SYTL3: variants seen among roughly 807,000 people sequenced by gnomAD.
SYTL3 encodes the protein synaptotagmin like 3.
A neutral mutation model predicts 82.1 loss-of-function variants in SYTL3; 88 were observed. That is an observed-to-expected ratio of 1.07 (90% confidence interval 0.90 to 1.28). The LOEUF is 1.28. Among genes scored for constraint, SYTL3 ranks in the 50% most tolerant of loss-of-function variants. SYTL3 has a pLI of 0.00. For missense variants in SYTL3, 831 were observed against 757.6 expected (o/e 1.10, Z -1.14); for synonymous variants, 311 against 289.4 (o/e 1.07, Z -0.76).
At chr6:158,692,513 T>C (rs1279935652) in intron 6 of SYTL3, among the ~76,000 whole-genome samples, 1 of 152,062 alleles carries the variant, frequency 6.6e-6, no homozygotes, top group Non-Finnish European at 1.5e-5. Context: ...GATTGAGTTC[T>C]TCAAGTGACT....
intron 13 of SYTL3, among the ~76,000 whole-genome samples, 163 bp from the exon 14 acceptor site, chr6:158,757,047 AC>A (rs1372957733): frequency 2.3e-5 from 3 of 131,926 alleles, no homozygotes; most frequent in Non-Finnish European, 4.8e-5. Context: ...CACCCTAACC[AC>A]ATCAGGTCCC....
chr6:158,655,080 C>T (rs191936495), intron 2 of SYTL3, among the ~76,000 whole-genome samples: 2 of 152,114 alleles, frequency 1.3e-5, no homozygotes, highest in South Asian at 2.1e-4. Context: ...ATGGAGTGAC[C>T]GAATAAATGT....
At chr6:158,701,087 G>C (rs1378719256) in intron 6 of SYTL3, among the ~76,000 whole-genome samples, 2 of 151,788 alleles carry the variant, frequency 1.3e-5, no homozygotes, top group African/African-American at 4.8e-5. Flanking sequence ...CCACAATGGG[G>C]CCAGCCTGGT....
intron 10 of SYTL3, 74 bp from the exon 11 acceptor site, chr6:158,725,429 T>C: frequency 6.5e-7 from 1 of 1,543,370 alleles, no homozygotes; most frequent in South Asian, 1.2e-5. Context: ...AGATGCTTGC[T>C]GAAGTCACCA....
At chr6:158,683,544 G>A (rs1778970879) in intron 6 of SYTL3, among the ~76,000 whole-genome samples, 1 of 152,134 alleles carries the variant, frequency 6.6e-6, no homozygotes, top group African/African-American at 2.4e-5. Context: ...TTTAAGGCTC[G>A]TGCACTACAA....
chr6:158,745,639 A>G lies in SYTL3; in HGVS notation c.1015A>G (p.Lys339Glu), dbSNP rs2128514288. The G allele has an allele frequency of 6.2e-7, 1 of 1,600,100 alleles. No homozygotes were observed. The highest frequency in any genetic ancestry group is 8.5e-7 in the Non-Finnish European group (1 of 1,175,546). Reference protein sequence around the residue: ...ACKNLAYGEEKKKKCNPYVKT... With the variant: ...ACKNLAYGEEEKKKCNPYVKT... ...TAAGAACCTTGCCTATGGAGAAGAAAAGAAGAAAAAGTGCAATCCGTAAGT... is the reference window on the plus strand; with the variant it reads ...TAAGAACCTTGCCTATGGAGAAGAAGAGAAGAAAAAGTGCAATCCGTAAGT... Residue 339 changes from lysine to glutamate, a missense_variant, in exon 12 of 18, where the codon AAG becomes GAG. By Grantham distance (56) the Lys-to-Glu change is moderately conservative. Coordinates refer to ENST00000611299, the MANE Select transcript of SYTL3 (RefSeq NM_001242394.2).
chr6:158,677,926 A>G (rs972561846), intron 5 of SYTL3, among the ~76,000 whole-genome samples: 2 of 151,934 alleles, frequency 1.3e-5, no homozygotes, highest in African/African-American at 4.8e-5. Flanking sequence ...GTCTCACACT[A>G]TTGCCCAGAC....
At chr6:158,725,132 C>T (rs964690953) in intron 10 of SYTL3, among the ~76,000 whole-genome samples, 4 of 152,182 alleles carry the variant, frequency 2.6e-5, no homozygotes, top group African/African-American at 7.2e-5. Context: ...AGAGCTAAAA[C>T]TCTGCTTATC....
chr6:158,751,234 C>T (rs1277405109), intron 12 of SYTL3, among the ~76,000 whole-genome samples: 1 of 151,412 alleles, frequency 6.6e-6, no homozygotes, highest in East Asian at 1.9e-4. Flanking sequence ...TGTTTCTAGC[C>T]TGTGGAGAGG....
intron 2 of SYTL3, 70 bp from the exon 3 acceptor site, chr6:158,661,199 A>T (rs1789341226): frequency 1.3e-5 from 2 of 152,278 alleles, no homozygotes; most frequent in Non-Finnish European, 2.9e-5. Context: ...TGGTGACTTG[A>T]TGGCTAATTT....
At chr6:158,722,010 C>T (rs1784161095) in intron 10 of SYTL3, among the ~76,000 whole-genome samples, 1 of 151,914 alleles carries the variant, frequency 6.6e-6, no homozygotes, top group Non-Finnish European at 1.5e-5. Context: ...CAAAATTCCT[C>T]TCATTTTCAT....
intron 6 of SYTL3, among the ~76,000 whole-genome samples, chr6:158,684,758 G>A (rs1183917196): frequency 6.7e-6 from 1 of 149,136 alleles, no homozygotes. Context: ...TTGCCCAGGT[G>A]TAGATTTGGT....
chr6:158,720,816 C>G (rs1784020547), intron 10 of SYTL3, among the ~76,000 whole-genome samples: 1 of 152,174 alleles, frequency 6.6e-6, no homozygotes, highest in African/African-American at 2.4e-5. Context: ...CTAGGTGAAG[C>G]CTGCTCCAGA....
At chr6:158,699,535 G>A (rs893337303) in intron 6 of SYTL3, among the ~76,000 whole-genome samples, 13 of 152,158 alleles carry the variant, frequency 8.5e-5, no homozygotes, top group African/African-American at 2.7e-4. Flanking sequence ...TGAGCCACAC[G>A]CGGCGGATCT....
chr6:158,682,975 A>G lies in SYTL3; in HGVS notation c.380A>G (p.Lys127Arg), dbSNP rs1362694542. ...GEWFYEERAKKFPTGGKHETV... is the reference protein window; with the variant it reads ...GEWFYEERAKRFPTGGKHETV... ...TGGTTCTATGAGGAACGAGCCAAGA[A>G]ATTTCCAACTGGAGGTAAATGCTCT... Residue 127 changes from lysine (K) to arginine (R), a missense_variant, in exon 6 of 18, where the codon AAA (lysine) becomes AGA (arginine). Transcript: ENST00000611299. 3 of 1,612,358 alleles carry G rather than the reference A, an allele frequency of 1.9e-6. No individual in the cohort carries two copies. The South Asian group carries it at 3.3e-5, about 18-fold the overall frequency.
At chr6:158,647,124 C>T (rs563051157), upstream of SYTL3, among the ~76,000 whole-genome samples, 38 of 152,314 alleles carry the variant, frequency 2.5e-4, 1 homozygote, top group African/African-American at 7.9e-4. Context: ...AAATCAATTT[C>T]CTGAATGTCT....
intron 13 of SYTL3, among the ~76,000 whole-genome samples, chr6:158,753,997 G>A (rs2128533562): frequency 6.6e-6 from 1 of 152,158 alleles, no homozygotes; most frequent in African/African-American, 2.4e-5. Context: ...GGGAAGCCGG[G>A]GAGGCCGATC....
chr6:158,751,785 T>G, intron 12 of SYTL3, 143 bp from the exon 13 acceptor site: 1 of 602,110 alleles, frequency 1.7e-6, no homozygotes, highest in African/African-American at 1.9e-5. Flanking sequence ...ATTAGGCTAT[T>G]AAGTCCTTTC....
At chr6:158,758,053 T>G (rs947137492) in intron 14 of SYTL3, among the ~76,000 whole-genome samples, 1 of 151,984 alleles carries the variant, frequency 6.6e-6, no homozygotes, top group African/African-American at 2.4e-5. Flanking sequence ...AGACGCTGCT[T>G]TGTACTTTGC....
Sources: gnomAD v4.1 joint callset for allele counts (sites outside exome capture counted in the v4.1 genomes callset) on GRCh38, gnomAD v4.1.1 for gene constraint, MANE v1.5 for transcripts, NCBI Gene and HGNC (gene_info 2026-07-23, HGNC 2026-07-21) for gene names.